MYO1D: variants seen among roughly 807,000 people sequenced by gnomAD.
The protein encoded by MYO1D is unconventional myosin-Id.
Under a neutral mutation model 122.0 loss-of-function variants are expected in MYO1D, and 83 were observed. The ratio of observed to expected loss-of-function variants is 0.68; its 90% CI spans 0.57 to 0.82. The LOEUF is 0.82. MYO1D is among the 40% of genes least tolerant of loss of function. The pLI, the probability that MYO1D is intolerant of heterozygous loss-of-function variation, is 0.00. For synonymous variants in MYO1D, 464 were observed against 446.9 expected, an observed-to-expected ratio of 1.04 and a Z score of -0.48; for missense variants, 1,157 against 1,269.5, an observed-to-expected ratio of 0.91 and a Z score of 1.35.
At chr17:32,712,299 A>G (rs1244713843) in intron 15 of MYO1D, 104 bp from the exon 16 acceptor site, 5 of 997,020 alleles carry the variant, frequency 5.0e-6, no homozygotes, top group African/African-American at 3.2e-5. Context: ...ACCAAATCTT[A>G]GCAAACTATC....
intron 1 of MYO1D, among the ~76,000 whole-genome samples, chr17:32,842,832 A>G (rs2090895766): frequency 1.3e-5 from 2 of 150,160 alleles, no homozygotes; most frequent in South Asian, 4.3e-4. Context: ...TCAATACACA[A>G]GTTTTTCGTA....
intron 21 of MYO1D, among the ~76,000 whole-genome samples, chr17:32,600,336 G>C (rs549573125): frequency 1.3e-5 from 2 of 152,310 alleles, no homozygotes; most frequent in African/African-American, 2.4e-5. Flanking sequence ...AGCTGCATTA[G>C]CTCCTAACAA....
intron 1 of MYO1D, among the ~76,000 whole-genome samples, chr17:32,791,913 C>T (rs1230230986): frequency 2.0e-5 from 3 of 152,122 alleles, no homozygotes; most frequent in African/African-American, 7.2e-5. Context: ...TGCTGGTTTC[C>T]TGTGAATTCA....
chr17:32,626,096 C>T (rs17780538), intron 20 of MYO1D, among the ~76,000 whole-genome samples: 17,643 of 152,274 alleles, frequency 0.12, 1,344 homozygotes, highest in Middle Eastern at 0.23. Context: ...GGCACTGTGC[C>T]GATGGACTGG....
At chr17:32,658,922 T>A (rs1431938487) in intron 17 of MYO1D, 193 bp downstream of exon 17, 1 of 599,238 alleles carries the variant, frequency 1.7e-6, no homozygotes. Flanking sequence ...AAAAACAAAT[T>A]GGCAGTTCCT....
intron 6 of MYO1D, among the ~76,000 whole-genome samples, chr17:32,769,613 T>C (rs1414575034): frequency 2.0e-5 from 3 of 151,874 alleles, no homozygotes; most frequent in Admixed American, 1.3e-4. Flanking sequence ...GGAAAGATTA[T>C]AATAAAAACA....
At chr17:32,669,877 G>A (rs2088686412) in intron 16 of MYO1D, among the ~76,000 whole-genome samples, 1 of 151,642 alleles carries the variant, frequency 6.6e-6, no homozygotes, top group African/African-American at 2.4e-5. Context: ...CATTTGTCAG[G>A]AAAGACATTT....
intron 1 of MYO1D, among the ~76,000 whole-genome samples, chr17:32,868,771 T>C (rs1388714293): frequency 6.6e-6 from 1 of 152,208 alleles, no homozygotes; most frequent in African/African-American, 2.4e-5. Flanking sequence ...GTAAGAGAAG[T>C]ATGCTCAGCT....
chr17:32,640,127 A>T (rs2088174833), intron 19 of MYO1D, among the ~76,000 whole-genome samples: 1 of 152,114 alleles, frequency 6.6e-6, no homozygotes, highest in Non-Finnish European at 1.5e-5. Flanking sequence ...ACCAAAGCAC[A>T]TTTTTTTCAG....
At chr17:32,716,056 A>G (rs1380602519) in intron 15 of MYO1D, among the ~76,000 whole-genome samples, 3 of 151,466 alleles carry the variant, frequency 2.0e-5, no homozygotes, top group African/African-American at 4.9e-5. Context: ...AGTTTTCTAA[A>G]AAGCTTGAAA....
At chr17:32,785,362 G>C (rs557986009) in intron 1 of MYO1D, among the ~76,000 whole-genome samples, 5 of 152,094 alleles carry the variant, frequency 3.3e-5, no homozygotes, top group African/African-American at 1.2e-4. Flanking sequence ...AACCTTATTC[G>C]TAAGTATTAT....
chr17:32,852,005 G>A (rs2090993794), intron 1 of MYO1D, among the ~76,000 whole-genome samples: 1 of 152,218 alleles, frequency 6.6e-6, no homozygotes, highest in East Asian at 1.9e-4. Flanking sequence ...AGTTTCTCTC[G>A]TACCATTACT....
chr17:32,710,899 A>C (rs1450567684), intron 16 of MYO1D, among the ~76,000 whole-genome samples: 1 of 152,168 alleles, frequency 6.6e-6, no homozygotes, highest in Non-Finnish European at 1.5e-5. Flanking sequence ...AATCTGACAA[A>C]ATTTAGGTAG....
intron 1 of MYO1D, among the ~76,000 whole-genome samples, chr17:32,781,062 G>C (rs1483098622): frequency 6.6e-6 from 1 of 152,164 alleles, no homozygotes. Flanking sequence ...ATACAGAAGG[G>C]TAAGAAGATG....
At chr17:32,570,371 A>T (rs225216) in intron 21 of MYO1D, among the ~76,000 whole-genome samples, 79,653 of 150,922 alleles carry the variant, frequency 0.53, 21,176 homozygotes, top group East Asian at 0.65. Context: ...ATTAAAAAAA[A>T]TTTTTTTTTT....
chr17:32,860,036 A>G (rs142678904), intron 1 of MYO1D, among the ~76,000 whole-genome samples: 5 of 152,134 alleles, frequency 3.3e-5, no homozygotes, highest in African/African-American at 1.2e-4. Flanking sequence ...TGTGACATGT[A>G]AGGAAGTCTT....
At chr17:32,752,514 A>T (rs1323393318) in intron 11 of MYO1D, among the ~76,000 whole-genome samples, 1 of 152,226 alleles carries the variant, frequency 6.6e-6, no homozygotes, top group Non-Finnish European at 1.5e-5. Context: ...TCTGTAAATT[A>T]TGCCTCCAAC....
intron 20 of MYO1D, among the ~76,000 whole-genome samples, chr17:32,623,771 C>T (rs1012672331): frequency 6.6e-6 from 1 of 152,134 alleles, no homozygotes; most frequent in Admixed American, 6.6e-5. Flanking sequence ...AGCTAGAAGT[C>T]CGAGATGAGG....
chr17:32,522,633 G>A (rs143623497), intron 21 of MYO1D, among the ~76,000 whole-genome samples: 44 of 152,246 alleles, frequency 2.9e-4, no homozygotes, highest in African/African-American at 1.1e-3. Flanking sequence ...CACAAAGCAG[G>A]AGGGTGAGCT....
Sources: allele counts gnomAD v4.1 joint callset (sites outside exome capture counted in the v4.1 genomes callset), GRCh38; gene constraint gnomAD v4.1.1; transcripts MANE v1.5; gene names NCBI Gene and HGNC (gene_info 2026-07-23, HGNC 2026-07-21).